PCDH17: variants seen among roughly 807,000 people sequenced by gnomAD.
PCDH17 encodes the protein protocadherin 17.
Under a neutral mutation model 67.7 loss-of-function variants are expected in PCDH17, and 21 were observed. The observed-to-expected ratio is 0.31, with a 90% CI of 0.22 to 0.45. PCDH17 has a LOEUF of 0.45. PCDH17 is among the 20% of genes least tolerant of loss of function. The pLI is 1.00. For synonymous variants in PCDH17, 701 were observed against 656.7 expected, an observed-to-expected ratio of 1.07 and a Z score of -1.03; for missense variants, 1,471 against 1,564.8, an observed-to-expected ratio of 0.94 and a Z score of 1.01.
chr13:57,663,438 T>G (rs978562174), intron 1 of PCDH17, among the ~76,000 whole-genome samples: 1 of 152,166 alleles, frequency 6.6e-6, no homozygotes, highest in East Asian at 1.9e-4. Context: ...GTAAAATATC[T>G]GAATACTCTT....
At position 57,725,541 on chromosome 13, in the gene PCDH17, GA is replaced by G. The variant is rs929803968; in HGVS notation, c.*254del. ...GAATTAATGATGCTTAAAGAGAAAA[GA>G]AAAAAAGAGAGAAGAAAAAGGAGAG... On this transcript the variant is annotated 3_prime_UTR_variant, in exon 4 of 4. Transcript: ENST00000377918. 1 of 386,218 alleles carries G rather than the reference GA, an allele frequency of 2.6e-6. No homozygotes were observed. The highest frequency in any genetic ancestry group is 4.6e-6 in the Non-Finnish European group (1 of 217,136). 23.9% of individuals were successfully genotyped at this position (386,218 alleles called of 1,614,324 possible). A position where few individuals can be genotyped will look rare whatever the true frequency, so the allele number is the denominator to read the frequency against.
Position 57,725,319 on chromosome 13 carries a change from G to A in PCDH17, c.*25G>A. ...AAAAAAGAAAAAAAAAAAGGCATTG[G>A]CATTTTCTTGTCTCTTCTGTTGATT... On this transcript the variant is annotated 3_prime_UTR_variant, in exon 4 of 4. Coordinates refer to ENST00000377918, the MANE Select transcript of PCDH17 (RefSeq NM_001040429.3). 4 of 1,552,158 alleles carry A rather than the reference G, an allele frequency of 2.6e-6. No homozygotes were observed. Among genetic ancestry groups the A allele is most frequent in the South Asian group, 1.2e-5 (1 of 85,040 alleles).
At chr13:57,677,911 G>A (rs1258013024) in intron 3 of PCDH17, among the ~76,000 whole-genome samples, 1 of 151,766 alleles carries the variant, frequency 6.6e-6, no homozygotes, top group Non-Finnish European at 1.5e-5. Context: ...TGAGAGGCCG[G>A]CCTAGAGGAT....
intron 3 of PCDH17, among the ~76,000 whole-genome samples, chr13:57,721,095 G>A (rs1409097831): frequency 6.6e-6 from 1 of 152,054 alleles, no homozygotes; most frequent in Non-Finnish European, 1.5e-5. Context: ...ACTGCCCACA[G>A]TCCCACCTTG....
chr13:57,633,499 A>G lies in PCDH17; in HGVS notation c.953A>G (p.Glu318Gly), dbSNP rs1954762002. ...GACTATGAGGAAAACGGGATGCTGG[A>G]GATTGACGTGCAGGCCCGAGACCTG... ...NLDYEENGMLEIDVQARDLGP... is the reference protein window; with the variant it reads ...NLDYEENGMLGIDVQARDLGP... Residue 318 changes from glutamate (E) to glycine (G), a missense_variant, in exon 1 of 4, where the codon GAG (glutamate) becomes GGG (glycine). Coordinates refer to ENST00000377918, the MANE Select transcript of PCDH17 (RefSeq NM_001040429.3). This position sits in a 1 kb window ranked among gnomAD's most constrained non-coding sequence, Gnocchi z 6.2. The G allele has an allele frequency of 6.2e-7, 1 of 1,613,932 alleles. No homozygotes were observed.
rs1955921584 is a variant in PCDH17 at position 57,727,167 on chromosome 13, G to A, written c.*1873G>A. On this transcript the variant is annotated 3_prime_UTR_variant, in exon 4 of 4. Transcript: ENST00000377918. ...ATGCCTTGATTGACATTTTCTTTCA[G>A]CATTTAAAATTTTTGGCATTTTACA... 2 of 152,510 alleles carry A rather than the reference G, an allele frequency of 1.3e-5. No homozygotes were observed. Among genetic ancestry groups the A allele is most frequent in the Admixed American group, 1.3e-4 (2 of 15,258 alleles). 9.4% of individuals were successfully genotyped at this position (152,510 alleles called of 1,614,324 possible).
At chr13:57,707,322 G>A (rs1955729774) in intron 3 of PCDH17, among the ~76,000 whole-genome samples, 3 of 140,504 alleles carry the variant, frequency 2.1e-5, no homozygotes, top group Non-Finnish European at 4.5e-5. Flanking sequence ...AGCTTTGTTT[G>A]TGATATATGA....
intron 3 of PCDH17, among the ~76,000 whole-genome samples, chr13:57,700,740 G>A (rs1209224620): frequency 6.6e-6 from 1 of 152,088 alleles, no homozygotes; most frequent in African/African-American, 2.4e-5. Context: ...ATATATTAAT[G>A]TGACTGTCAT....
In PCDH17 at chr13:57,656,567, G is replaced by A. The variant is rs376521409; in HGVS notation, c.2566-9901G>A. Among the ~76,000 whole-genome samples the A allele has an allele frequency of 1.4e-4, 21 of 151,982 alleles. No homozygotes were observed. In the East Asian group the frequency reaches 1.9e-3, roughly 14 times the overall value. On this transcript the variant is annotated intron_variant, in intron 1 of 3. Coordinates refer to ENST00000377918, the MANE Select transcript of PCDH17 (RefSeq NM_001040429.3). The stretch of plus-strand genomic sequence containing the variant: ...ATATAACCTTTGAATTCTTCGTCCT[G>A]GAGGCCCTATTGCAGAGAATCCAGT...
At chr13:57,674,516 G>A (rs1182888817) in intron 3 of PCDH17, among the ~76,000 whole-genome samples, 1 of 151,758 alleles carries the variant, frequency 6.6e-6, no homozygotes, top group African/African-American at 2.4e-5. Context: ...TTATAGGTAT[G>A]GGGTCTTGTT....
rs186904974 is a variant in PCDH17, at chr13:57,716,427, T to A, written c.2798-8185T>A. Among the ~76,000 whole-genome samples, 26 of 152,066 alleles carry A rather than the reference T, an allele frequency of 1.7e-4. No homozygotes were observed. In the East Asian group the frequency reaches 5.1e-3, roughly 30 times the overall value. The stretch of plus-strand genomic sequence containing the variant: ...TTGACCTATAAAGCTGGTCTCTTAC[T>A]GCCCTGTGAAGTGCACATTCCCATG... On this transcript the variant is annotated intron_variant, in intron 3 of 3. Coordinates refer to ENST00000377918, the MANE Select transcript of PCDH17 (RefSeq NM_001040429.3).
At chr13:57,658,140 A>C (rs1353852608) in intron 1 of PCDH17, among the ~76,000 whole-genome samples, 1 of 152,168 alleles carries the variant, frequency 6.6e-6, no homozygotes, top group Non-Finnish European at 1.5e-5. Flanking sequence ...GCAAAAAATA[A>C]ATTTAAGTAT....
At chr13:57,642,157 G>A (rs914047509) in intron 1 of PCDH17, among the ~76,000 whole-genome samples, 9 of 151,704 alleles carry the variant, frequency 5.9e-5, no homozygotes, top group South Asian at 2.1e-4. Context: ...GTTTGATTCT[G>A]AAATATATGC....
rs1266221375 is a variant in PCDH17, at chr13:57,632,653, G to C, written c.107G>C (p.Gly36Ala). The change falls in exon 1 of 4, where the codon GGG becomes GCG. Residue 36 changes from glycine to alanine, a missense_variant. Physicochemically the swap from Gly to Ala is moderately conservative, Grantham distance 60. Around this residue, in one of 3 missense-constraint regions of PCDH17, gnomAD observed 1,163 missense variants for 1,230.0 expected, o/e 0.95. Coordinates refer to ENST00000377918, the MANE Select transcript of PCDH17 (RefSeq NM_001040429.3). ...PEEQGAGTVI[G>A]NIGRDARLQP... Reference sequence around the variant, plus strand: ...GAGCAAGGGGCCGGCACGGTGATCGGGAACATCGGCAGGGATGCTCGACTG... The same window carrying C: ...GAGCAAGGGGCCGGCACGGTGATCGCGAACATCGGCAGGGATGCTCGACTG... 3 of 1,612,802 alleles carry C rather than the reference G, an allele frequency of 1.9e-6. No homozygotes were observed. Among genetic ancestry groups the C allele is most frequent in the Non-Finnish European group, 2.5e-6 (3 of 1,179,964 alleles).
At position 57,700,784 on chromosome 13, in the gene PCDH17, A is replaced by T. The variant is rs528755936; in HGVS notation, c.2798-23828A>T. Among the ~76,000 whole-genome samples the T allele has an allele frequency of 2.5e-4, 38 of 152,318 alleles. 1 individual carries two copies. The highest frequency in any genetic ancestry group is 4.6e-4 in the Non-Finnish European group (31 of 68,030). ...TGAGCAGTCAGTCATGCACATTAAA[A>T]TCTGAACTAGACTAGACTAGAAAAA... On this transcript the variant is annotated intron_variant, in intron 3 of 3. Transcript: ENST00000377918.
At chr13:57,648,623 A>G (rs1443698987) in intron 1 of PCDH17, among the ~76,000 whole-genome samples, 1 of 152,012 alleles carries the variant, frequency 6.6e-6, no homozygotes, top group African/African-American at 2.4e-5. Flanking sequence ...AAAGCAACTA[A>G]TGTTCAACTT....
intron 1 of PCDH17, among the ~76,000 whole-genome samples, chr13:57,642,150 T>A (rs1179340445): frequency 2.0e-5 from 3 of 151,756 alleles, no homozygotes; most frequent in African/African-American, 7.2e-5. Flanking sequence ...AACTTCTGTT[T>A]GATTCTGAAA....
intron 3 of PCDH17, among the ~76,000 whole-genome samples, chr13:57,696,655 A>T (rs1955611694): frequency 6.6e-6 from 1 of 151,544 alleles, no homozygotes; most frequent in Non-Finnish European, 1.5e-5. Context: ...TAGTAATAAA[A>T]TTGAAATTTA....
intron 1 of PCDH17, among the ~76,000 whole-genome samples, chr13:57,642,928 CA>C (rs1176326487): frequency 1.3e-5 from 2 of 151,528 alleles, no homozygotes; most frequent in East Asian, 3.9e-4. Flanking sequence ...ACATTTGCAT[CA>C]GTTTTGAACA....
Sources: allele counts gnomAD v4.1 joint callset (sites outside exome capture counted in the v4.1 genomes callset), GRCh38; gene constraint gnomAD v4.1.1; regional missense constraint gnomAD v4.1.1; non-coding constraint Gnocchi (gnomAD v3.1); transcripts MANE v1.5; gene names NCBI Gene and HGNC (gene_info 2026-07-23, HGNC 2026-07-21).